RBFOX1: variants seen among roughly 807,000 people sequenced by gnomAD.
RBFOX1 encodes the protein RNA binding fox-1 homolog 1.
RBFOX1 carries 8 observed loss-of-function variants against 57.7 expected under a neutral mutation model. The observed-to-expected ratio is 0.14, with a 90% CI of 0.08 to 0.25. The LOEUF (loss-of-function observed/expected upper bound fraction) is 0.25, where lower values mean the gene tolerates loss of function less well. Ranked by LOEUF, RBFOX1 falls within the 10% of genes least tolerant of loss-of-function variation. The pLI is 1.00. For missense variants in RBFOX1, 611 were observed against 548.5 expected (o/e 1.11, Z -1.14); for synonymous variants, 326 against 222.4 (o/e 1.47, Z -4.15).
intron 3 of RBFOX1, among the ~76,000 whole-genome samples, chr16:5,859,741 A>G (rs186730301): frequency 7.5e-4 from 114 of 152,348 alleles, no homozygotes; most frequent in Non-Finnish European, 1.2e-3. Flanking sequence ...TCCATTTTAC[A>G]GGTATAAAAT....
chr16:6,951,721 C>T (rs1033429445), intron 3 of RBFOX1, among the ~76,000 whole-genome samples: 1 of 152,062 alleles, frequency 6.6e-6, no homozygotes, highest in African/African-American at 2.4e-5. Flanking sequence ...GGAGAGACTC[C>T]ACACTTCTCT....
chr16:6,115,338 G>T (rs963829232), intron 1 of RBFOX1, among the ~76,000 whole-genome samples: 9 of 152,304 alleles, frequency 5.9e-5, no homozygotes, highest in African/African-American at 2.2e-4. Flanking sequence ...TAAAGGGCTT[G>T]CATAGGATTG....
chr16:6,381,470 C>T (rs1189216630), intron 2 of RBFOX1, among the ~76,000 whole-genome samples: 3 of 152,116 alleles, frequency 2.0e-5, no homozygotes, highest in Admixed American at 6.5e-5. Flanking sequence ...AGGAAGTCAG[C>T]GAGGAGTGAT....
At position 7,711,064 on chromosome 16, in the gene RBFOX1, A is replaced by G. The variant is rs1156242427; in HGVS notation, c.*319A>G. ...CATATCCAGAGTGCTATATTATGTA[A>G]ATGAATTATATATGCTGAATATTAA... On this transcript the variant is annotated 3_prime_UTR_variant, in exon 16 of 16. Transcript: ENST00000550418. 1 of 211,262 alleles carries G rather than the reference A, an allele frequency of 4.7e-6. No individual in the cohort carries two copies. Among genetic ancestry groups the G allele is most frequent in the Non-Finnish European group, 9.3e-6 (1 of 107,748 alleles). 13.1% of individuals were successfully genotyped at this position (211,262 alleles called of 1,614,324 possible). A position where few individuals can be genotyped will look rare whatever the true frequency, so the allele number is the denominator to read the frequency against.
At chr16:7,670,341 C>CT (rs1568378925) in intron 13 of RBFOX1, among the ~76,000 whole-genome samples, 2 of 152,042 alleles carry the variant, frequency 1.3e-5, no homozygotes, top group Non-Finnish European at 2.9e-5. Context: ...CAACAGGAAA[C>CT]TTTTTTTTCC....
intron 3 of RBFOX1, among the ~76,000 whole-genome samples, chr16:7,024,016 A>G (rs2040136902): frequency 6.6e-6 from 1 of 152,198 alleles, no homozygotes. Flanking sequence ...TCCTCCTGAT[A>G]ACCGTATGTT....
intron 1 of RBFOX1, among the ~76,000 whole-genome samples, chr16:5,283,086 G>T (rs2063310704): frequency 6.6e-6 from 1 of 152,236 alleles, no homozygotes. Flanking sequence ...AACGTAGGCT[G>T]TGACTTCAGA....
chr16:6,319,253 T>C (rs1281368684), intron 2 of RBFOX1, among the ~76,000 whole-genome samples: 1 of 152,180 alleles, frequency 6.6e-6, no homozygotes, highest in Non-Finnish European at 1.5e-5. Flanking sequence ...GATATGTCCA[T>C]TGGCTTCAGA....
intron 1 of RBFOX1, among the ~76,000 whole-genome samples, chr16:5,374,714 G>GTTT (rs60956026): frequency 6.9e-6 from 1 of 144,362 alleles, no homozygotes; most frequent in Non-Finnish European, 1.5e-5. Context: ...ATCTCTATGT[G>GTTT]TTTTTTTTTT....
chr16:5,438,341 C>G (rs775013362), intron 1 of RBFOX1, among the ~76,000 whole-genome samples: 8 of 152,178 alleles, frequency 5.3e-5, no homozygotes, highest in Non-Finnish European at 1.2e-4. Flanking sequence ...GGCTCAGATT[C>G]ATTTGTTCAT....
chr16:6,875,829 A>G lies in RBFOX1; in HGVS notation c.-15-176228A>G, dbSNP rs564729834. On this transcript the variant is annotated intron_variant, in intron 3 of 15. Transcript: ENST00000550418. ...AGACCAGTCTGGGGAACATGGTGAA[A>G]CCTCATCTCTACAAAAAAATTAGCC... Among the ~76,000 whole-genome samples the G allele has an allele frequency of 1.2e-4, 18 of 151,902 alleles. 1 individual carries two copies. The South Asian group carries it at 3.7e-3, about 32-fold the overall frequency.
chr16:6,547,773 A>AT (rs61126489), intron 2 of RBFOX1, among the ~76,000 whole-genome samples: 4,815 of 147,746 alleles, frequency 0.033, 267 homozygotes, highest in African/African-American at 0.11. Context: ...GTCATGTGTG[A>AT]TTTTTTTTTT....
At chr16:5,853,777 A>G (rs2056956338) in intron 3 of RBFOX1, among the ~76,000 whole-genome samples, 1 of 152,116 alleles carries the variant, frequency 6.6e-6, no homozygotes, top group Non-Finnish European at 1.5e-5. Context: ...TTTCTTTGAG[A>G]CAGGGTCTCC....
intron 1 of RBFOX1, among the ~76,000 whole-genome samples, chr16:6,258,233 T>A (rs572517766): frequency 6.6e-5 from 10 of 152,330 alleles, no homozygotes; most frequent in African/African-American, 2.4e-4. Flanking sequence ...AGAAAAATGC[T>A]GATGCAACTG....
chr16:6,887,928 C>G (rs1163138898), intron 3 of RBFOX1, among the ~76,000 whole-genome samples: 1 of 152,096 alleles, frequency 6.6e-6, no homozygotes, highest in Non-Finnish European at 1.5e-5. Context: ...TCCCAAAGTG[C>G]TGGGATTATA....
chr16:6,934,385 A>C (rs536016411), intron 3 of RBFOX1, among the ~76,000 whole-genome samples: 2 of 152,174 alleles, frequency 1.3e-5, no homozygotes, highest in Non-Finnish European at 2.9e-5. Flanking sequence ...ACATGCAGAG[A>C]ATATGTCATG....
intron 3 of RBFOX1, among the ~76,000 whole-genome samples, chr16:5,739,288 C>G (rs2052691976): frequency 6.6e-6 from 1 of 152,228 alleles, no homozygotes; most frequent in South Asian, 2.1e-4. Flanking sequence ...TGAAACATCC[C>G]ACTTTTAGCA....
chr16:7,492,264 A>T (rs28637548), intron 4 of RBFOX1, among the ~76,000 whole-genome samples: 1 of 152,226 alleles, frequency 6.6e-6, no homozygotes, highest in Non-Finnish European at 1.5e-5. Context: ...AGGAATGCAG[A>T]TTAGCAGAGA....
rs1254226631 is a variant in RBFOX1, at chr16:6,019,624, C to G, written c.-495C>G. Reference sequence around the variant, plus strand: ...GAAGGAGTGAGCCGAGCCGAGCACCCCACATCTGGAGGGGACAGCCAGCCG... The same window carrying G: ...GAAGGAGTGAGCCGAGCCGAGCACCGCACATCTGGAGGGGACAGCCAGCCG... On this transcript the variant is annotated 5_prime_UTR_variant, in exon 1 of 16. Transcript: ENST00000550418. This position sits in a 1 kb window ranked among gnomAD's most constrained non-coding sequence, Gnocchi z 4.2. 1 of 1,269,738 alleles carries G rather than the reference C, an allele frequency of 7.9e-7. No individual in the cohort carries two copies. Among genetic ancestry groups the G allele is most frequent in the Non-Finnish European group, 9.9e-7 (1 of 1,007,472 alleles). 78.7% of individuals were successfully genotyped at this position (1,269,738 alleles called of 1,614,324 possible). A position where few individuals can be genotyped will look rare whatever the true frequency, so the allele number is the denominator to read the frequency against.
Sources: allele counts gnomAD v4.1 joint callset (sites outside exome capture counted in the v4.1 genomes callset), GRCh38; gene constraint gnomAD v4.1.1; non-coding constraint Gnocchi (gnomAD v3.1); transcripts MANE v1.5; gene names NCBI Gene and HGNC (gene_info 2026-07-23, HGNC 2026-07-21).